The following TBC1D10A variants were observed in gnomAD, a reference collection of about 807,000 sequenced individuals.
The protein encoded by TBC1D10A is TBC1 domain family member 10A.
TBC1D10A carries 24 observed loss-of-function variants against 52.9 expected under a neutral mutation model. The ratio of observed to expected loss-of-function variants is 0.45; its 90% confidence interval spans 0.33 to 0.64. TBC1D10A has a LOEUF of 0.64. Among genes scored for constraint, TBC1D10A ranks in the 30% least tolerant of loss-of-function variants. The pLI, the probability that TBC1D10A is intolerant of heterozygous loss-of-function variation, is 0.02. For synonymous variants in TBC1D10A, 278 were observed against 282.9 expected (o/e 0.98, Z 0.17); for missense variants, 602 against 687.9 (o/e 0.88, Z 1.40).
At chr22:30,318,622 G>A (rs1178033588) in intron 1 of TBC1D10A, 1 of 471,036 alleles carries the variant, frequency 2.1e-6, no homozygotes, top group Non-Finnish European at 4.4e-6. Context: ...CTCTGTAAGA[G>A]GCCAAAGCCA....
chr22:30,307,771 C>T (rs1340337457), intron 1 of TBC1D10A: 1 of 152,138 alleles, frequency 6.6e-6, no homozygotes, highest in East Asian at 1.9e-4. Flanking sequence ...TTGTAATAAC[C>T]CTACTATAAC....
intron 1 of TBC1D10A, among the ~76,000 whole-genome samples, chr22:30,325,374 C>T (rs1306692678): frequency 6.6e-6 from 1 of 152,160 alleles, no homozygotes; most frequent in Admixed American, 6.5e-5. Flanking sequence ...TAAAGCGCTT[C>T]CATAAGTCAT....
At chr22:30,294,591 C>G (rs549442837) in intron 6 of TBC1D10A, among the ~76,000 whole-genome samples, 2 of 152,352 alleles carry the variant, frequency 1.3e-5, no homozygotes, top group East Asian at 3.9e-4. Context: ...ACCAGAGCAG[C>G]TAGAGGCTGA....
intron 1 of TBC1D10A, among the ~76,000 whole-genome samples, chr22:30,308,556 G>GT (rs993693105): frequency 6.6e-6 from 1 of 152,146 alleles, no homozygotes; most frequent in African/African-American, 2.4e-5. Flanking sequence ...CTATTCTATT[G>GT]TTTTAAATGC....
At chr22:30,296,771 C>G (rs1320876482) in intron 3 of TBC1D10A, 2 of 152,196 alleles carry the variant, frequency 1.3e-5, no homozygotes, top group African/African-American at 2.4e-5. Context: ...CATTCAAGAT[C>G]TATGCATTTT....
intron 8 of TBC1D10A, chr22:30,293,286 A>G: frequency 1.7e-6 from 1 of 602,278 alleles, no homozygotes; most frequent in Non-Finnish European, 3.2e-6. Context: ...CCTCATGTGT[A>G]AAAGCTGGTC....
chr22:30,316,850 G>A (rs1216176114), intron 1 of TBC1D10A, among the ~76,000 whole-genome samples: 1 of 151,996 alleles, frequency 6.6e-6, no homozygotes, highest in Non-Finnish European at 1.5e-5. Flanking sequence ...ACCAGCCTGG[G>A]CAACATAGTG....
At chr22:30,293,575 G>A (rs1929999591) in intron 8 of TBC1D10A, 76 bp downstream of exon 8, 6 of 1,549,194 alleles carry the variant, frequency 3.9e-6, no homozygotes, top group Admixed American at 1.8e-5. Flanking sequence ...GGGGCTGAGG[G>A]TTAGCGGGAC....
Position 30,292,586 on chromosome 22 carries a change from ATC to A in TBC1D10A, c.1314_1315del (p.Gln438HisfsTer66). 6.2e-7 allele frequency: 1 copy of A among 1,613,352 alleles called. No individual in the cohort carries two copies. The highest frequency in any genetic ancestry group is 8.5e-7 in the Non-Finnish European group (1 of 1,179,778). On this transcript the variant is annotated frameshift_variant, in exon 9 of 9. Transcript: ENST00000215790. LOFTEE classifies it low-confidence loss of function (END_TRUNC). The stretch of plus-strand genomic sequence containing the variant: ...CTTCTCCAGCTGCCCTCTCCCCTTC[ATC>A]TGTTTCCGCTGCTCCTTCTGGGCCT...
rs753114389 is a variant in TBC1D10A at position 30,292,815 on chromosome 22, G to T, written c.1087C>A (p.Arg363Ser). The T allele has an allele frequency of 6.2e-7, 1 of 1,611,248 alleles. No homozygotes were observed. The highest frequency in any genetic ancestry group is 8.5e-7 in the Non-Finnish European group (1 of 1,179,948). Reference protein sequence around the residue: ...ELPVTERQIEREHLIQLRRWQ... With the variant: ...ELPVTERQIESEHLIQLRRWQ... ...CGCCGCAGCTGAATGAGGTGTTCGC[G>T]CTCAATCTGGCGCTCTGTCACGGGC... Residue 363 changes from arginine to serine, a missense_variant, in exon 9 of 9, where the codon CGC becomes AGC. Coordinates refer to ENST00000215790, the MANE Select transcript of TBC1D10A (RefSeq NM_031937.3).
At chr22:30,317,100 C>T (rs1426283281) in intron 1 of TBC1D10A, among the ~76,000 whole-genome samples, 1 of 152,046 alleles carries the variant, frequency 6.6e-6, no homozygotes, top group East Asian at 1.9e-4. Context: ...TGGGGAAAAC[C>T]GAGGTTAAAA....
rs986106395 is a variant in TBC1D10A at position 30,297,586 on chromosome 22, T to A, written c.418-1743A>T. ...CTGTAGCCTCCACCAGCCTGAGGGG[T>A]ACTGGCGCCATCATAAGGTGAAGCC... is the stretch of plus-strand genomic sequence containing the variant. On this transcript the variant is annotated intron_variant, in intron 3 of 8. Transcript: ENST00000215790. The surrounding 1 kb of genome is among the most constrained non-coding windows in gnomAD (Gnocchi z 4.3). 1.3e-5 allele frequency: 2 copies of A among 151,940 alleles called. No homozygotes were observed. Among genetic ancestry groups the A allele is most frequent in the African/African-American group, 2.4e-5 (1 of 41,322 alleles). The allele number at this position is 151,940 out of a possible 1,614,324, so 9.4% of individuals were successfully genotyped here.
intron 6 of TBC1D10A, 114 bp from the exon 7 acceptor site, chr22:30,294,224 G>A: frequency 8.3e-7 from 1 of 1,207,974 alleles, no homozygotes; most frequent in Non-Finnish European, 1.2e-6. Context: ...GCTACCGCCT[G>A]CAGGGTGTCT....
At chr22:30,310,663 T>C (rs1255405993) in intron 1 of TBC1D10A, among the ~76,000 whole-genome samples, 2 of 152,156 alleles carry the variant, frequency 1.3e-5, no homozygotes, top group Admixed American at 1.3e-4. Context: ...GTACTAGCTC[T>C]GCCAAGCACT....
chr22:30,304,401 T>C, intron 2 of TBC1D10A, 130 bp downstream of exon 2: 1 of 1,475,864 alleles, frequency 6.8e-7, no homozygotes. Flanking sequence ...GCACTGGCAG[T>C]TGGAGGACAC....
At chr22:30,293,092 T>A in intron 8 of TBC1D10A, 2 of 618,894 alleles carry the variant, frequency 3.2e-6, no homozygotes, top group African/African-American at 3.7e-5. Context: ...GCTTCACGAG[T>A]CCACCTGCCT....
Position 30,292,863 on chromosome 22 carries a change from G to C in TBC1D10A, c.1051-12C>G. ...GGCAACTCCACCACCTGCAGGGGCA[G>C]TGACACAGGCAAGTGGACACCAAGA... On this transcript the variant is annotated splice_polypyrimidine_tract_variant and intron_variant, in intron 8 of 8. Coordinates refer to ENST00000215790, the MANE Select transcript of TBC1D10A (RefSeq NM_031937.3). The C allele has an allele frequency of 6.2e-7, 1 of 1,610,456 alleles. No individual in the cohort carries two copies. Among genetic ancestry groups the C allele is most frequent in the South Asian group, 1.1e-5 (1 of 90,974 alleles).
intron 3 of TBC1D10A, chr22:30,299,206 C>T (rs1261725596): frequency 6.4e-6 from 3 of 466,408 alleles, no homozygotes; most frequent in Admixed American, 3.8e-5. Context: ...CCAAATCTGG[C>T]CATTCCACTG....
At chr22:30,295,203 C>G (rs1041318788) in intron 4 of TBC1D10A, 148 bp from the exon 5 acceptor site, 65 of 747,700 alleles carry the variant, frequency 8.7e-5, no homozygotes, top group Non-Finnish European at 1.4e-4. Flanking sequence ...AGGGGTCAGT[C>G]TCCTACTGGA....
Sources: allele counts gnomAD v4.1 joint callset (sites outside exome capture counted in the v4.1 genomes callset), GRCh38; gene constraint gnomAD v4.1.1; non-coding constraint Gnocchi (gnomAD v3.1); transcripts MANE v1.5; gene names NCBI Gene and HGNC (gene_info 2026-07-23, HGNC 2026-07-21).